The following A1CF variants were observed in gnomAD, a reference collection of about 807,000 sequenced individuals.
A1CF encodes the protein APOBEC-1 stimulating protein.
A1CF carries 48 observed loss-of-function variants against 68.9 expected under a neutral mutation model. The ratio of observed to expected loss-of-function variants is 0.70; its 90% CI spans 0.55 to 0.89. The LOEUF (loss-of-function observed/expected upper bound fraction) is 0.89. A1CF is among the 40% of genes least tolerant of loss of function. The pLI, the probability that A1CF is intolerant of heterozygous loss-of-function variation, is 0.00. For synonymous variants in A1CF, 272 were observed against 260.4 expected (o/e 1.04, Z -0.43); for missense variants, 653 against 718.9 (o/e 0.91, Z 1.05).
chr10:50,816,306 A>G (rs778425775), intron 8 of A1CF, 27 bp from the exon 9 acceptor site: 6 of 1,607,688 alleles, frequency 3.7e-6, no homozygotes, highest in African/African-American at 2.7e-5. Flanking sequence ...AGAAATATCA[A>G]CGCGAGATGA....
chr10:50,807,861 A>G (rs573142023), intron 12 of A1CF, among the ~76,000 whole-genome samples: 1 of 152,318 alleles, frequency 6.6e-6, no homozygotes, highest in South Asian at 2.1e-4. Context: ...GCCCAACCCC[A>G]GACACATTGA....
intron 12 of A1CF, among the ~76,000 whole-genome samples, 193 bp downstream of exon 12, chr10:50,809,701 G>A (rs1167980333): frequency 6.6e-6 from 1 of 152,130 alleles, no homozygotes; most frequent in Non-Finnish European, 1.5e-5. Context: ...AACCCACTCT[G>A]CTGCCCAGCT....
chr10:50,812,981 A>G (rs551805159), intron 10 of A1CF, among the ~76,000 whole-genome samples: 84 of 152,336 alleles, frequency 5.5e-4, no homozygotes, highest in African/African-American at 1.9e-3. Context: ...ATGAGCTTTT[A>G]GAAAACCAGT....
At chr10:50,849,621 A>G (rs1048776606) in intron 3 of A1CF, among the ~76,000 whole-genome samples, 1 of 152,136 alleles carries the variant, frequency 6.6e-6, no homozygotes, top group Non-Finnish European at 1.5e-5. Context: ...ATGATATTAG[A>G]TGGTTTATAG....
rs1228095545 is a variant in A1CF at position 50,801,358 on chromosome 10, A to G, written c.*5371T>C. 1 of 152,270 alleles carries G rather than the reference A, an allele frequency of 6.6e-6. No homozygotes were observed. The highest frequency in any genetic ancestry group is 1.5e-5 in the Non-Finnish European group (1 of 68,064). The allele number at this position is 152,270 out of a possible 1,614,324, so 9.4% of individuals were successfully genotyped here. A position where few individuals can be genotyped will look rare whatever the true frequency, so the allele number is the denominator to read the frequency against. Reference sequence around the variant, plus strand: ...AAGCCAATTCTACAAAATTAAAAACAACAAGAAAACAACAACAACCCATAA... The same window carrying G: ...AAGCCAATTCTACAAAATTAAAAACGACAAGAAAACAACAACAACCCATAA... On this transcript the variant is annotated 3_prime_UTR_variant, in exon 13 of 13. Transcript: ENST00000373997.
chr10:50,841,094 T>C (rs1839752939), intron 5 of A1CF, among the ~76,000 whole-genome samples: 1 of 152,210 alleles, frequency 6.6e-6, no homozygotes, highest in Non-Finnish European at 1.5e-5. Context: ...CTATAGTACA[T>C]TCTCAACCAA....
rs1360835626 is a variant in A1CF at position 50,804,347 on chromosome 10, T to C, written c.*2382A>G. The C allele has an allele frequency of 6.6e-6, 1 of 152,208 alleles. No homozygotes were observed. Among genetic ancestry groups the C allele is most frequent in the Non-Finnish European group, 1.5e-5 (1 of 68,006 alleles). The allele number at this position is 152,208 out of a possible 1,614,324, so 9.4% of individuals were successfully genotyped here. A position where few individuals can be genotyped will look rare whatever the true frequency, so the allele number is the denominator to read the frequency against. ...CTCATAAAAAGATTCATGTATTAAC[T>C]AATCTTTTCATTGCGATTAAATTTA... On this transcript the variant is annotated 3_prime_UTR_variant, in exon 13 of 13. Coordinates refer to ENST00000373997, the MANE Select transcript of A1CF (RefSeq NM_014576.4).
chr10:50,805,577 G>A lies in A1CF; in HGVS notation c.*1152C>T, dbSNP rs1169779257. 6.6e-6 allele frequency: 1 copy of A among 152,158 alleles called. No individual in the cohort carries two copies. The highest frequency in any genetic ancestry group is 1.9e-4 in the East Asian group (1 of 5,194). The allele number at this position is 152,158 out of a possible 1,614,324, so 9.4% of individuals were successfully genotyped here. A position where few individuals can be genotyped will look rare whatever the true frequency, so the allele number is the denominator to read the frequency against. On this transcript the variant is annotated 3_prime_UTR_variant, in exon 13 of 13. Transcript: ENST00000373997. ...ATGATTGCTGTAAGATTTTTCTGTGGCAGCTTCAAGACAAAAGGACTCAGG... is the reference window on the plus strand; with the variant it reads ...ATGATTGCTGTAAGATTTTTCTGTGACAGCTTCAAGACAAAAGGACTCAGG...
intron 1 of A1CF, among the ~76,000 whole-genome samples, chr10:50,878,487 A>G (rs1841618463): frequency 6.6e-6 from 1 of 152,216 alleles, no homozygotes; most frequent in Non-Finnish European, 1.5e-5. Context: ...AAATTGTAGC[A>G]AGTGGTAGAG....
At chr10:50,839,996 C>T (rs1564514298) in intron 5 of A1CF, among the ~76,000 whole-genome samples, 1 of 152,178 alleles carries the variant, frequency 6.6e-6, no homozygotes, top group African/African-American at 2.4e-5. Context: ...CCCGCCTTGG[C>T]CTCCCAAAGT....
At chr10:50,860,102 C>A in intron 2 of A1CF, 117 bp from the exon 3 acceptor site, 1 of 602,552 alleles carries the variant, frequency 1.7e-6, no homozygotes. Context: ...AAAGTTAGAG[C>A]AACTAAGAGT....
At position 50,885,137 on chromosome 10, in the gene A1CF, A is replaced by T. The variant is rs12256013; in HGVS notation, c.-94+444T>A. 9.0e-3 allele frequency among the ~76,000 whole-genome samples: 1,375 copies of T among 152,276 alleles called. 25 individuals are homozygous for T. The highest frequency in any genetic ancestry group is 0.031 in the African/African-American group (1,302 of 41,552). ...AGCTCTGGAGATAATTGAATATATGAAGTCTAAAGTATGATAGGAATTATG... is the reference window on the plus strand; with the variant it reads ...AGCTCTGGAGATAATTGAATATATGTAGTCTAAAGTATGATAGGAATTATG... On this transcript the variant is annotated intron_variant, in intron 1 of 12. Transcript: ENST00000373997.
chr10:50,853,947 A>G (rs1026995942), intron 3 of A1CF, among the ~76,000 whole-genome samples: 5 of 152,114 alleles, frequency 3.3e-5, no homozygotes, highest in African/African-American at 1.2e-4. Flanking sequence ...TTCTAACTGC[A>G]GAACAAAAGG....
intron 6 of A1CF, among the ~76,000 whole-genome samples, chr10:50,829,172 G>T (rs918605400): frequency 6.6e-6 from 1 of 152,030 alleles, no homozygotes; most frequent in African/African-American, 2.4e-5. Context: ...CTTTAGAGAG[G>T]ATAACTTTCC....
At position 50,799,761 on chromosome 10, in the gene A1CF, T is replaced by G. The variant is rs1837526134; in HGVS notation, c.*6968A>C. 1 of 152,164 alleles carries G rather than the reference T, an allele frequency of 6.6e-6. No homozygotes were observed. The highest frequency in any genetic ancestry group is 1.5e-5 in the Non-Finnish European group (1 of 67,982). The allele number at this position is 152,164 out of a possible 1,614,324, so 9.4% of individuals were successfully genotyped here. A position where few individuals can be genotyped will look rare whatever the true frequency, so the allele number is the denominator to read the frequency against. On this transcript the variant is annotated 3_prime_UTR_variant, in exon 13 of 13. Transcript: ENST00000373997. Reference sequence around the variant, plus strand: ...ACAAAAAAGAAAAGAAGAAAGAGATTGTTAAACATCTGGAAACTATAAATG... The same window carrying G: ...ACAAAAAAGAAAAGAAGAAAGAGATGGTTAAACATCTGGAAACTATAAATG...
chr10:50,869,855 G>A lies in A1CF; in HGVS notation c.-93-5775C>T, dbSNP rs140985566. ...GTGAGTGGATTAACAAATTATTTTT[G>A]TTTTCTTCATTCTTGCTTATTTGAC... On this transcript the variant is annotated intron_variant, in intron 1 of 12. Transcript: ENST00000373997. 8.6e-5 allele frequency among the ~76,000 whole-genome samples: 13 copies of A among 151,856 alleles called. No homozygotes were observed. The East Asian group carries it at 2.1e-3, about 25-fold the overall frequency.
At chr10:50,833,116 A>G (rs962376911) in intron 6 of A1CF, among the ~76,000 whole-genome samples, 1 of 152,350 alleles carries the variant, frequency 6.6e-6, no homozygotes, top group East Asian at 1.9e-4. Flanking sequence ...TGCAGATTCA[A>G]TTGATTAGAG....
chr10:50,816,493 C>T (rs1199723578), intron 8 of A1CF: 2 of 561,938 alleles, frequency 3.6e-6, no homozygotes, highest in East Asian at 5.9e-5. Context: ...ACAGGTTTGA[C>T]AGTGACATAT....
At chr10:50,828,365 A>AT in intron 6 of A1CF, 70 bp from the exon 7 acceptor site, 1 of 1,280,554 alleles carries the variant, frequency 7.8e-7, no homozygotes, top group Non-Finnish European at 1.0e-6. Flanking sequence ...ATTTATACCA[A>AT]TGGTCTTTTA....
Sources: allele counts gnomAD v4.1 joint callset (sites outside exome capture counted in the v4.1 genomes callset), GRCh38; gene constraint gnomAD v4.1.1; transcripts MANE v1.5; gene names NCBI Gene and HGNC (gene_info 2026-07-23, HGNC 2026-07-21).